Variants in TTC21B observed in about 807,000 individuals in gnomAD.
The protein encoded by TTC21B is tetratricopeptide repeat protein 21B.
In TTC21B, 127 loss-of-function variants were observed where a neutral mutation model predicts 175.1. The observed-to-expected ratio is 0.73, with a 90% CI of 0.63 to 0.84. The LOEUF (loss-of-function observed/expected upper bound fraction) is 0.84. Ranked by LOEUF, TTC21B falls within the 40% of genes least tolerant of loss-of-function variation. TTC21B has a pLI of 0.00. For synonymous variants in TTC21B, 524 were observed against 524.5 expected (o/e 1.00, Z 0.01); for missense variants, 1,561 against 1,558.3 (o/e 1.00, Z -0.03).
At chr2:165,881,849 A>AT (rs1192862572) in intron 26 of TTC21B, among the ~76,000 whole-genome samples, 4 of 152,140 alleles carry the variant, frequency 2.6e-5, no homozygotes, top group African/African-American at 7.2e-5. Flanking sequence ...AAGACTGAAC[A>AT]TTTTATTTAT....
At chr2:165,909,423 C>T (rs1685854109) in intron 18 of TTC21B, among the ~76,000 whole-genome samples, 1 of 151,556 alleles carries the variant, frequency 6.6e-6, no homozygotes, top group South Asian at 2.1e-4. Flanking sequence ...ATCAAAGATA[C>T]AATAAACAAA....
At position 165,927,240 on chromosome 2, in the gene TTC21B, TAGTAGTTATATATATATATATCCTAGTA is replaced by T. The variant is rs1559064696; in HGVS notation, c.1386+1867_1386+1894del. On this transcript the variant is annotated intron_variant, in intron 11 of 28. Transcript: ENST00000243344. ...AGTAGTTATATATATATATATATCC[TAGTAGTTATATATATATATATCCTAGTA>T]GTTATATATATATATATCCTAGTAG... Among the ~76,000 whole-genome samples, 74 of 7,780 alleles carry T rather than the reference TAGTAGTTATATATATATATATCCTAGTA, an allele frequency of 9.5e-3. 7 individuals are homozygous for T. Among genetic ancestry groups the T allele is most frequent in the Non-Finnish European group, 0.018 (67 of 3,626 alleles). The allele number at this position is 7,780 out of a possible 152,430, so 5.1% of individuals were successfully genotyped here.
chr2:165,873,546 G>A lies in TTC21B; in HGVS notation c.*1209C>T, dbSNP rs1206056369. 1 of 152,166 alleles carries A rather than the reference G, an allele frequency of 6.6e-6. No homozygotes were observed. Among genetic ancestry groups the A allele is most frequent in the Admixed American group, 6.5e-5 (1 of 15,278 alleles). The allele number at this position is 152,166 out of a possible 1,614,324, so 9.4% of individuals were successfully genotyped here. A position where few individuals can be genotyped will look rare whatever the true frequency, so the allele number is the denominator to read the frequency against. On this transcript the variant is annotated 3_prime_UTR_variant, in exon 29 of 29. Coordinates refer to ENST00000243344, the MANE Select transcript of TTC21B (RefSeq NM_024753.5). The stretch of plus-strand genomic sequence containing the variant: ...CTATGCCAGGGTGCTGTTAAACAGA[G>A]CTGGGTAAACCGTTGCCTTCACATG...
At chr2:165,919,455 T>C in intron 12 of TTC21B, 22 bp from the exon 13 acceptor site, 1 of 1,611,620 alleles carries the variant, frequency 6.2e-7, no homozygotes, top group Non-Finnish European at 8.5e-7. Context: ...AACAATGCAT[T>C]GTTATAATTC....
At chr2:165,919,223 T>C in intron 13 of TTC21B, 53 bp downstream of exon 13, 2 of 1,595,786 alleles carry the variant, frequency 1.3e-6, no homozygotes, top group Non-Finnish European at 1.7e-6. Context: ...CTTGAATATG[T>C]AAGCTTTCAA....
Position 165,874,985 on chromosome 2 carries a change from G to A in TTC21B, c.3874-153C>T, listed in dbSNP as rs117083568. 2.0e-4 allele frequency among the ~76,000 whole-genome samples: 31 copies of A among 152,248 alleles called. 1 individual carries two copies. The East Asian group carries it at 6.0e-3, about 29-fold the overall frequency. On this transcript the variant is annotated intron_variant, in intron 28 of 28. Transcript: ENST00000243344. ...ACTTTTTAATGGTGGCATTTTAAATGTAACATGATGACTCCTTTATATTAA... is the reference window on the plus strand; with the variant it reads ...ACTTTTTAATGGTGGCATTTTAAATATAACATGATGACTCCTTTATATTAA...
intron 14 of TTC21B, among the ~76,000 whole-genome samples, chr2:165,916,908 A>C (rs573527575): frequency 1.2e-3 from 179 of 152,214 alleles, no homozygotes; most frequent in African/African-American, 4.0e-3. Flanking sequence ...ATGGAGTCTC[A>C]TTCTGTCACC....
Position 165,924,682 on chromosome 2 carries a change from A to C in TTC21B, c.1387-4T>G. ...GAGGTTGCCCAGGACTTGCAGGCTA[A>C]ACAAAACAAATCAGCAGATCATTTT... On this transcript the variant is annotated splice_polypyrimidine_tract_variant and splice_region_variant and intron_variant, in intron 11 of 28. Transcript: ENST00000243344. The C allele has an allele frequency of 6.2e-7, 1 of 1,613,172 alleles. No individual in the cohort carries two copies. The highest frequency in any genetic ancestry group is 1.1e-5 in the South Asian group (1 of 91,012).
At chr2:165,949,763 T>C (rs1217564528) in intron 1 of TTC21B, 39 bp from the exon 2 acceptor site, 10 of 1,581,940 alleles carry the variant, frequency 6.3e-6, no homozygotes, top group Non-Finnish European at 4.3e-6. Flanking sequence ...AAAGGAATTC[T>C]GGTGCTCTGA....
intron 6 of TTC21B, among the ~76,000 whole-genome samples, chr2:165,937,288 G>A (rs963906971): frequency 1.5e-4 from 23 of 152,068 alleles, no homozygotes; most frequent in African/African-American, 5.5e-4. Context: ...TTGGGGAGAT[G>A]GAGGGATATA....
chr2:165,884,031 A>G lies in TTC21B; in HGVS notation c.3460-13T>C. 6.2e-7 allele frequency: 1 copy of G among 1,609,170 alleles called. No homozygotes were observed. Among genetic ancestry groups the G allele is most frequent in the Non-Finnish European group, 8.5e-7 (1 of 1,175,826 alleles). On this transcript the variant is annotated splice_polypyrimidine_tract_variant and intron_variant, in intron 25 of 28. Transcript: ENST00000243344. Reference sequence around the variant, plus strand: ...GGATATGCTCCTTCTATAAGAAAACAAAATTTTAGACCATAAGATGCATAA... The same window carrying G: ...GGATATGCTCCTTCTATAAGAAAACGAAATTTTAGACCATAAGATGCATAA...
intron 18 of TTC21B, 25 bp from the exon 19 acceptor site, chr2:165,907,809 A>G: frequency 6.9e-7 from 1 of 1,440,806 alleles, no homozygotes; most frequent in Non-Finnish European, 9.8e-7. Context: ...AATGTAATGC[A>G]AAAAATTATT....
intron 6 of TTC21B, among the ~76,000 whole-genome samples, chr2:165,937,979 G>A (rs989887581): frequency 7.2e-5 from 11 of 152,106 alleles, no homozygotes; most frequent in African/African-American, 2.6e-4. Context: ...AATGAGCCTG[G>A]ACAGCTTGTC....
At chr2:165,876,741 G>T (rs1246348819) in intron 27 of TTC21B, among the ~76,000 whole-genome samples, 1 of 152,186 alleles carries the variant, frequency 6.6e-6, no homozygotes, top group Non-Finnish European at 1.5e-5. Flanking sequence ...GAAAGATCCA[G>T]GCCAAGTGAG....
At chr2:165,927,811 CA>C (rs1488533920) in intron 11 of TTC21B, among the ~76,000 whole-genome samples, 1 of 152,012 alleles carries the variant, frequency 6.6e-6, no homozygotes, top group Non-Finnish European at 1.5e-5. Flanking sequence ...ACATGATAAT[CA>C]AAAAGTCTGT....
In TTC21B at chr2:165,917,897, AG is replaced by A. The variant is rs543336946; in HGVS notation, c.1675-417del. Among the ~76,000 whole-genome samples the A allele has an allele frequency of 2.8e-3, 422 of 152,356 alleles. 1 individual carries two copies. Among genetic ancestry groups the A allele is most frequent in the Non-Finnish European group, 4.9e-3 (336 of 68,038 alleles). On this transcript the variant is annotated intron_variant, in intron 13 of 28. Coordinates refer to ENST00000243344, the MANE Select transcript of TTC21B (RefSeq NM_024753.5). Reference sequence around the variant, plus strand: ...TTATTTTTTTAATTTGAAGATTAAAAGTTTCAGGACATTTTAATCAAACATT... The same window carrying A: ...TTATTTTTTTAATTTGAAGATTAAAATTTCAGGACATTTTAATCAAACATT...
At position 165,941,189 on chromosome 2, in the gene TTC21B, T is replaced by C; in HGVS notation, c.553-5A>G. ...GCGCATCTCAAGGCATTGTGCCTAA[T>C]GGAAGGGAAAAAAAGTGATATCCAA... On this transcript the variant is annotated splice_polypyrimidine_tract_variant and splice_region_variant and intron_variant, in intron 5 of 28. Transcript: ENST00000243344. 3.7e-6 allele frequency: 6 copies of C among 1,613,818 alleles called. 1 individual carries two copies. In the South Asian group the frequency reaches 5.5e-5, roughly 15 times the overall value.
At chr2:165,904,674 C>A (rs1016514097) in intron 19 of TTC21B, among the ~76,000 whole-genome samples, 2 of 152,222 alleles carry the variant, frequency 1.3e-5, no homozygotes, top group Non-Finnish European at 2.9e-5. Flanking sequence ...GACAAACACT[C>A]TCTGTGGGAA....
At chr2:165,907,350 T>C (rs932989096) in intron 19 of TTC21B, among the ~76,000 whole-genome samples, 15 of 151,406 alleles carry the variant, frequency 9.9e-5, no homozygotes, top group African/African-American at 3.6e-4. Flanking sequence ...CACAAAATAT[T>C]AAGAGAAAAA....
Sources: gnomAD v4.1 joint callset for allele counts (sites outside exome capture counted in the v4.1 genomes callset) on GRCh38, gnomAD v4.1.1 for gene constraint, MANE v1.5 for transcripts, NCBI Gene and HGNC (gene_info 2026-07-23, HGNC 2026-07-21) for gene names.